RTN3: variants seen among roughly 807,000 people sequenced by gnomAD.
RTN3 encodes the protein reticulon-3.
Under a neutral mutation model 77.8 loss-of-function variants are expected in RTN3, and 49 were observed. The observed-to-expected ratio is 0.63, with a 90% CI of 0.50 to 0.80. The LOEUF is 0.80. Ranked by LOEUF, RTN3 falls within the 30% of genes least tolerant of loss-of-function variation. The pLI is 0.00. For synonymous variants in RTN3, 464 were observed against 446.9 expected (o/e 1.04, Z -0.48); for missense variants, 1,236 against 1,211.9 (o/e 1.02, Z -0.29).
chr11:63,722,357 T>C (rs1428589582), intron 3 of RTN3, among the ~76,000 whole-genome samples: 1 of 152,226 alleles, frequency 6.6e-6, no homozygotes, highest in African/African-American at 2.4e-5. Context: ...GGCATTTTCT[T>C]ACTGGAAACT....
At chr11:63,748,947 C>T (rs1046798429) in intron 3 of RTN3, among the ~76,000 whole-genome samples, 12 of 152,002 alleles carry the variant, frequency 7.9e-5, no homozygotes, top group Admixed American at 4.6e-4. Flanking sequence ...GGATTACAGG[C>T]GTGAGCCACC....
intron 5 of RTN3, 21 bp downstream of exon 5, chr11:63,752,666 T>C (rs1276189214): frequency 6.2e-7 from 1 of 1,611,432 alleles, no homozygotes; most frequent in Non-Finnish European, 8.5e-7. Context: ...TCTGCAGCTC[T>C]TGGTGGTAAA....
chr11:63,725,110 C>T (rs556116107), intron 3 of RTN3, among the ~76,000 whole-genome samples: 1 of 152,168 alleles, frequency 6.6e-6, no homozygotes, highest in East Asian at 1.9e-4. Context: ...TCTTTGATTA[C>T]CACCTGGCCA....
chr11:63,701,875 G>A (rs1294545611), intron 1 of RTN3, among the ~76,000 whole-genome samples: 1 of 152,160 alleles, frequency 6.6e-6, no homozygotes, highest in Non-Finnish European at 1.5e-5. Context: ...AGCCCAGGAG[G>A]TCAAGGATGC....
intron 1 of RTN3, among the ~76,000 whole-genome samples, chr11:63,686,470 CA>C (rs11364347): frequency 0.7 from 64,194 of 91,620 alleles, 21,493 homozygotes; most frequent in East Asian, 0.9. Context: ...GACTCCGTCT[CA>C]AAAAAAAAAA....
At chr11:63,749,290 G>A (rs2013975628) in intron 3 of RTN3, among the ~76,000 whole-genome samples, 1 of 152,118 alleles carries the variant, frequency 6.6e-6, no homozygotes, top group African/African-American at 2.4e-5. Context: ...AAAAAGGGAG[G>A]AGGTAGTATT....
chr11:63,711,324 A>G (rs1205291965), intron 2 of RTN3, among the ~76,000 whole-genome samples: 1 of 151,812 alleles, frequency 6.6e-6, no homozygotes, highest in Non-Finnish European at 1.5e-5. Flanking sequence ...GTGTTGGCTT[A>G]GAATTTCTTA....
rs937979153 is a variant in RTN3, at chr11:63,681,828, C to G, written c.142+50C>G. 9 of 1,465,056 alleles carry G rather than the reference C, an allele frequency of 6.1e-6. No homozygotes were observed. The African/African-American group carries it at 1.0e-4, about 17-fold the overall frequency. The allele number at this position is 1,465,056 out of a possible 1,614,324, so 90.8% of individuals were successfully genotyped here. ...CCTGGGAAAGAGGGCGAGCGGGAGC[C>G]TGGGGGCTGGGGGGATTAGGAGGCG... On this transcript the variant is annotated intron_variant, in intron 1 of 8. Transcript: ENST00000377819.
rs1030600934 is a variant in RTN3, at chr11:63,681,507, C to A, written c.-130C>A. 7.3e-5 allele frequency: 70 copies of A among 959,312 alleles called. No homozygotes were observed. In the Middle Eastern group the frequency reaches 1.4e-3, roughly 19 times the overall value. 59.4% of individuals were successfully genotyped at this position (959,312 alleles called of 1,614,324 possible). On this transcript the variant is annotated 5_prime_UTR_variant, in exon 1 of 9. Transcript: ENST00000377819. The stretch of plus-strand genomic sequence containing the variant: ...CGCTCGGCTGAGTCAGTCAGTCTGT[C>A]GGAGTCTGTCCTCGGAGCAGGCGGA...
intron 1 of RTN3, among the ~76,000 whole-genome samples, chr11:63,696,061 T>C (rs1370413649): frequency 6.6e-6 from 1 of 150,516 alleles, no homozygotes; most frequent in Non-Finnish European, 1.5e-5. Flanking sequence ...ACTTAAACGG[T>C]CTAATTATTA....
At chr11:63,752,857 T>C (rs1554963810) in intron 5 of RTN3, among the ~76,000 whole-genome samples, 2 of 152,328 alleles carry the variant, frequency 1.3e-5, no homozygotes, top group South Asian at 4.1e-4. Context: ...TTGGAAGCAG[T>C]GCAGTTTCAG....
At chr11:63,737,681 A>G (rs1349674122) in intron 3 of RTN3, among the ~76,000 whole-genome samples, 5 of 152,208 alleles carry the variant, frequency 3.3e-5, no homozygotes, top group East Asian at 1.9e-4. Context: ...GATCCATACT[A>G]TTCACCTGGA....
intron 2 of RTN3, among the ~76,000 whole-genome samples, chr11:63,716,702 A>T (rs1289351678): frequency 6.6e-6 from 1 of 152,192 alleles, no homozygotes; most frequent in Admixed American, 6.5e-5. Flanking sequence ...GCGGTGGCTC[A>T]TGCGTGTATT....
At chr11:63,756,814 A>G (rs1377580694) in intron 8 of RTN3, among the ~76,000 whole-genome samples, 1 of 152,176 alleles carries the variant, frequency 6.6e-6, no homozygotes, top group Non-Finnish European at 1.5e-5. Context: ...TTGGGAGGCC[A>G]AGGCCGGTGG....
rs760126929 is a variant in RTN3, at chr11:63,753,176, G to A, written c.2947+38G>A. 21 of 1,579,598 alleles carry A rather than the reference G, an allele frequency of 1.3e-5. No homozygotes were observed. In the African/African-American group the frequency reaches 2.6e-4, roughly 19 times the overall value. Reference sequence around the variant, plus strand: ...GGAGAATGTGCCCATGCTCTTTGAAGTAGTTTGTAAGAATAAGAGTGAAGA... The same window carrying A: ...GGAGAATGTGCCCATGCTCTTTGAAATAGTTTGTAAGAATAAGAGTGAAGA... On this transcript the variant is annotated intron_variant, in intron 6 of 8. Transcript: ENST00000377819.
chr11:63,711,160 G>C (rs1390717647), intron 2 of RTN3, among the ~76,000 whole-genome samples: 1 of 151,940 alleles, frequency 6.6e-6, no homozygotes, highest in East Asian at 1.9e-4. Flanking sequence ...CACGCTTCTA[G>C]TCCCAGCTAC....
chr11:63,737,620 A>G (rs187574414), intron 3 of RTN3, among the ~76,000 whole-genome samples: 41 of 152,336 alleles, frequency 2.7e-4, no homozygotes, highest in Admixed American at 1.0e-3. Flanking sequence ...AACAAAAGAA[A>G]AAAAAGGAAA....
At chr11:63,752,949 T>G in intron 5 of RTN3, 120 bp from the exon 6 acceptor site, 1 of 971,966 alleles carries the variant, frequency 1.0e-6, no homozygotes, top group South Asian at 1.5e-5. Flanking sequence ...ATTTGGAAAT[T>G]GTCCATGTCA....
intron 1 of RTN3, among the ~76,000 whole-genome samples, chr11:63,685,314 G>A (rs558462464): frequency 6.6e-6 from 1 of 151,510 alleles, no homozygotes; most frequent in East Asian, 2.0e-4. Context: ...GAACAACATG[G>A]TGGAACCCTG....
Sources: allele counts gnomAD v4.1 joint callset (sites outside exome capture counted in the v4.1 genomes callset), GRCh38; gene constraint gnomAD v4.1.1; transcripts MANE v1.5; gene names NCBI Gene and HGNC (gene_info 2026-07-23, HGNC 2026-07-21).